Variants in RNF111 observed in about 807,000 individuals in gnomAD.
The protein encoded by RNF111 is E3 ubiquitin-protein ligase Arkadia.
A neutral mutation model predicts 95.1 loss-of-function variants in RNF111; 17 were observed. The ratio of observed to expected loss-of-function variants is 0.18; its 90% confidence interval spans 0.12 to 0.27. RNF111 has a LOEUF of 0.27. RNF111 is among the 10% of genes least tolerant of loss of function. RNF111 has a pLI of 1.00. For synonymous variants in RNF111, 440 were observed against 414.8 expected, an observed-to-expected ratio of 1.06 and a Z score of -0.74; for missense variants, 1,189 against 1,210.4, an observed-to-expected ratio of 0.98 and a Z score of 0.26.
intron 1 of RNF111, among the ~76,000 whole-genome samples, chr15:59,007,067 G>C (rs898298289): frequency 1.3e-5 from 2 of 152,252 alleles, no homozygotes; most frequent in African/African-American, 4.8e-5. Context: ...ATTCCAGGCT[G>C]TTTACAGTTT....
At chr15:59,042,759 G>C (rs766809110) in intron 2 of RNF111, among the ~76,000 whole-genome samples, 2 of 152,140 alleles carry the variant, frequency 1.3e-5, no homozygotes, top group African/African-American at 2.4e-5. Flanking sequence ...TGTTTATGGA[G>C]TTTTTACTCC....
rs147746074 is a variant in RNF111, at chr15:59,021,445, C to T, written c.-19-9359C>T. Among the ~76,000 whole-genome samples, 674 of 152,306 alleles carry T rather than the reference C, an allele frequency of 4.4e-3. 18 individuals are homozygous for T. The highest frequency in any genetic ancestry group is 6.8e-3 in the Admixed American group (104 of 15,304). ...GGATTATAGGTATGAACCACCATGC[C>T]TGGCCTATGCCCTTCTGGATCTCAA... On this transcript the variant is annotated intron_variant, in intron 1 of 13. Coordinates refer to ENST00000348370, the MANE Select transcript of RNF111 (RefSeq NM_017610.8).
intron 2 of RNF111, among the ~76,000 whole-genome samples, chr15:59,050,834 C>T (rs1444387749): frequency 6.6e-6 from 1 of 152,136 alleles, no homozygotes. Context: ...TACGTTATTG[C>T]TAATCATAGA....
At chr15:59,085,507 A>C in intron 9 of RNF111, 152 bp from the exon 10 acceptor site, 1 of 551,006 alleles carries the variant, frequency 1.8e-6, no homozygotes, top group South Asian at 7.1e-5. Flanking sequence ...ATTTGAAATT[A>C]TTAGTTAAAT....
intron 1 of RNF111, among the ~76,000 whole-genome samples, chr15:58,999,004 T>G (rs1198052312): frequency 2.0e-5 from 3 of 152,220 alleles, no homozygotes; most frequent in Non-Finnish European, 4.4e-5. Flanking sequence ...TGATATGGTT[T>G]CAAATTCCAC....
chr15:59,038,624 C>T (rs889091036), intron 2 of RNF111, among the ~76,000 whole-genome samples: 9 of 152,114 alleles, frequency 5.9e-5, no homozygotes, highest in Admixed American at 4.6e-4. Flanking sequence ...CATTTCTAAC[C>T]CCTCTTTTTT....
chr15:58,999,659 A>G (rs1266002155), intron 1 of RNF111, among the ~76,000 whole-genome samples: 1 of 152,168 alleles, frequency 6.6e-6, no homozygotes, highest in African/African-American at 2.4e-5. Flanking sequence ...TTAAAATAAT[A>G]CATTTTAAAG....
intron 2 of RNF111, among the ~76,000 whole-genome samples, chr15:59,043,773 G>A (rs1380139818): frequency 2.6e-5 from 4 of 152,152 alleles, no homozygotes; most frequent in Admixed American, 6.5e-5. Flanking sequence ...AAAGACGAGA[G>A]CAGTGGCAAA....
At chr15:59,083,546 A>AAG (rs2078810163) in intron 8 of RNF111, among the ~76,000 whole-genome samples, 1 of 152,136 alleles carries the variant, frequency 6.6e-6, no homozygotes, top group Admixed American at 6.5e-5. Context: ...AAAAAAAAAA[A>AAG]AAAGTATGAA....
chr15:59,013,790 T>C (rs1057154994), intron 1 of RNF111, among the ~76,000 whole-genome samples: 10 of 151,990 alleles, frequency 6.6e-5, no homozygotes, highest in Non-Finnish European at 8.8e-5. Context: ...ATATTCATTT[T>C]TTTTCTTTTT....
chr15:59,035,390 C>G (rs1295826755), intron 2 of RNF111, among the ~76,000 whole-genome samples: 1 of 152,136 alleles, frequency 6.6e-6, no homozygotes, highest in African/African-American at 2.4e-5. Flanking sequence ...AGTCCAAAGT[C>G]TCATCTGAGA....
Position 59,081,127 on chromosome 15 carries a change from G to C in RNF111, c.2140G>C (p.Ala714Pro), listed in dbSNP as rs2078729545. The C allele has an allele frequency of 6.2e-7, 1 of 1,613,866 alleles. No homozygotes were observed. The highest frequency in any genetic ancestry group is 1.3e-5 in the African/African-American group (1 of 74,862). ...PVAPPPPTHL[A>P]STAAPIPQHL... ...GGCACCCCCACCACCAACTCACTTA[G>C]CCAGTACAGCTGCACCAATCCCTCA... The change falls in exon 8 of 14, where the codon GCC (alanine) becomes CCC (proline). Residue 714 changes from alanine to proline, a missense_variant. Ala to Pro is a conservative substitution (Grantham distance 27). Transcript: ENST00000348370.
At chr15:58,996,645 CTTTCTTTTTTTTTT>C (rs1483839628) in intron 1 of RNF111, among the ~76,000 whole-genome samples, 2 of 77,962 alleles carry the variant, frequency 2.6e-5, no homozygotes, top group Non-Finnish European at 4.5e-5. Flanking sequence ...CTCATCAGTA[CTTTCTTTTTTTTTT>C]TTTTTTTTTT....
chr15:59,075,740 C>T lies in RNF111; in HGVS notation c.1687-214C>T, dbSNP rs2043137846. Reference sequence around the variant, plus strand: ...TTAAAAATTGGTTTAACTGTAAAACCACTACAGTTTTCACAATCCAGGATA... The same window carrying T: ...TTAAAAATTGGTTTAACTGTAAAACTACTACAGTTTTCACAATCCAGGATA... On this transcript the variant is annotated intron_variant, in intron 6 of 13. Coordinates refer to ENST00000348370, the MANE Select transcript of RNF111 (RefSeq NM_017610.8). Among the ~76,000 whole-genome samples, 3 of 151,994 alleles carry T rather than the reference C, an allele frequency of 2.0e-5. No individual in the cohort carries two copies. The South Asian group carries it at 6.2e-4, about 32-fold the overall frequency.
intron 10 of RNF111, among the ~76,000 whole-genome samples, chr15:59,088,747 TA>T (rs2078968081): frequency 6.6e-6 from 1 of 152,202 alleles, no homozygotes; most frequent in Admixed American, 6.5e-5. Flanking sequence ...TAACCTTTTT[TA>T]TGTGTGTTTC....
intron 1 of RNF111, among the ~76,000 whole-genome samples, chr15:59,024,558 C>A (rs2040507053): frequency 1.3e-5 from 2 of 152,202 alleles, no homozygotes; most frequent in South Asian, 4.1e-4. Flanking sequence ...CTCTGAGAAG[C>A]AGATGCCAAC....
At chr15:59,083,944 G>T in intron 8 of RNF111, 185 bp from the exon 9 acceptor site, 1 of 357,494 alleles carries the variant, frequency 2.8e-6, no homozygotes, top group Non-Finnish European at 4.5e-6. Flanking sequence ...TATGGAGAAG[G>T]TGATGGTTTC....
rs142344212 is a variant in RNF111, at chr15:59,030,819, T to G, written c.-4T>G. On this transcript the variant is annotated 5_prime_UTR_variant, in exon 2 of 14. Coordinates refer to ENST00000348370, the MANE Select transcript of RNF111 (RefSeq NM_017610.8). ...TGTCTTCTAGGCTTTCCTTAAAGTT[T>G]CCCATGTCTCAATGGACTCCTGAAT... The G allele has an allele frequency of 2.7e-4, 425 of 1,564,768 alleles. 1 individual carries two copies. The African/African-American group carries it at 5.3e-3, about 19-fold the overall frequency.
chr15:59,067,129 C>G (rs566011411), intron 6 of RNF111, 46 bp downstream of exon 6: 6 of 1,422,264 alleles, frequency 4.2e-6, no homozygotes, highest in African/African-American at 1.4e-5. Flanking sequence ...CCTCTTGTCT[C>G]TCTCTCTCTC....
Sources: allele counts gnomAD v4.1 joint callset (sites outside exome capture counted in the v4.1 genomes callset), GRCh38; gene constraint gnomAD v4.1.1; transcripts MANE v1.5; gene names NCBI Gene and HGNC (gene_info 2026-07-23, HGNC 2026-07-21).